Variants in NFIA observed in about 807,000 individuals in gnomAD.
The protein encoded by NFIA is nuclear factor I A.
NFIA carries 8 observed loss-of-function variants against 62.8 expected under a neutral mutation model. The observed-to-expected ratio is 0.13, with a 90% CI of 0.07 to 0.23. The LOEUF is 0.23. Ranked by LOEUF, NFIA falls within the 10% of genes least tolerant of loss-of-function variation. NFIA has a pLI of 1.00. For missense variants in NFIA, 410 were observed against 642.1 expected (o/e 0.64, Z 3.91); for synonymous variants, 235 against 238.1 (o/e 0.99, Z 0.12).
At chr1:61,362,894 CTTGT>C (rs1221871742) in intron 6 of NFIA, among the ~76,000 whole-genome samples, 1 of 152,148 alleles carries the variant, frequency 6.6e-6, no homozygotes, top group African/African-American at 2.4e-5. Flanking sequence ...ATCATCAACT[CTTGT>C]TTATCTGTAC....
intron 2 of NFIA, among the ~76,000 whole-genome samples, chr1:61,247,904 C>T (rs1655753367): frequency 6.6e-6 from 1 of 152,174 alleles, no homozygotes; most frequent in Admixed American, 6.5e-5. Context: ...GCTCCTGTAT[C>T]AAGTGTTTCC....
chr1:61,293,550 G>A (rs1321237046), intron 3 of NFIA, among the ~76,000 whole-genome samples: 1 of 152,200 alleles, frequency 6.6e-6, no homozygotes, highest in Non-Finnish European at 1.5e-5. Flanking sequence ...CTTGCTGACT[G>A]ACTGGCTGAC....
intron 2 of NFIA, among the ~76,000 whole-genome samples, chr1:61,276,457 A>T (rs754552293): frequency 6.6e-6 from 1 of 152,204 alleles, no homozygotes; most frequent in Admixed American, 6.5e-5. Context: ...TCAGGCAGCT[A>T]ATTCAAAACC....
At chr1:61,123,396 T>G (rs1646919796) in intron 2 of NFIA, among the ~76,000 whole-genome samples, 1 of 152,224 alleles carries the variant, frequency 6.6e-6, no homozygotes, top group African/African-American at 2.4e-5. Flanking sequence ...TTGGAATTTA[T>G]TTGAGATGAT....
At chr1:61,450,577 G>A (rs1455679057) in intron 10 of NFIA, among the ~76,000 whole-genome samples, 1 of 152,160 alleles carries the variant, frequency 6.6e-6, no homozygotes, top group African/African-American at 2.4e-5. Flanking sequence ...CCTGCAGGGT[G>A]CGGGGAGGCC....
chr1:61,125,154 A>G (rs1646946925), intron 2 of NFIA: 1 of 152,242 alleles, frequency 6.6e-6, no homozygotes, highest in Admixed American at 6.5e-5. Flanking sequence ...TATTCTAACT[A>G]AAGATCTTTT....
chr1:61,420,704 A>C (rs1451890777), intron 9 of NFIA, among the ~76,000 whole-genome samples: 1 of 152,114 alleles, frequency 6.6e-6, no homozygotes, highest in African/African-American at 2.4e-5. Context: ...ACACATGAAT[A>C]TGTCTGAGTT....
chr1:61,158,195 G>A (rs1267725586), intron 2 of NFIA, among the ~76,000 whole-genome samples: 3 of 152,062 alleles, frequency 2.0e-5, no homozygotes, highest in Admixed American at 1.3e-4. Context: ...TTAAGATTGT[G>A]GATTCTGTTA....
At chr1:61,281,943 G>T (rs975793437) in intron 3 of NFIA, among the ~76,000 whole-genome samples, 14 of 152,030 alleles carry the variant, frequency 9.2e-5, no homozygotes, top group Non-Finnish European at 1.5e-4. Context: ...AAATATTTTT[G>T]GAGTATCTGT....
At chr1:61,262,510 A>G (rs754154612) in intron 2 of NFIA, among the ~76,000 whole-genome samples, 9 of 152,252 alleles carry the variant, frequency 5.9e-5, no homozygotes, top group Non-Finnish European at 1.2e-4. Flanking sequence ...TTTTAAGGCC[A>G]ACTGGAAGAA....
intron 3 of NFIA, among the ~76,000 whole-genome samples, chr1:61,281,017 G>C (rs545253936): frequency 1.3e-5 from 2 of 152,300 alleles, no homozygotes; most frequent in East Asian, 1.9e-4. Flanking sequence ...GCTGAGGTGA[G>C]TCGATCACTT....
chr1:61,424,442 A>G (rs1031211748), intron 9 of NFIA, among the ~76,000 whole-genome samples: 2 of 151,900 alleles, frequency 1.3e-5, no homozygotes, highest in African/African-American at 2.4e-5. Context: ...AAATCCTGCT[A>G]TGTGTCTATG....
At chr1:61,393,722 A>G (rs1466575573) in intron 7 of NFIA, among the ~76,000 whole-genome samples, 3 of 152,104 alleles carry the variant, frequency 2.0e-5, no homozygotes, top group African/African-American at 7.2e-5. Flanking sequence ...CTGTTTCCAG[A>G]AGAAGGGGTG....
At chr1:61,427,721 G>C (rs1028046773) in intron 10 of NFIA, among the ~76,000 whole-genome samples, 15 of 152,194 alleles carry the variant, frequency 9.9e-5, no homozygotes, top group Non-Finnish European at 1.8e-4. Context: ...CAGCAGAGAA[G>C]GCAGCTGGGA....
intron 3 of NFIA, among the ~76,000 whole-genome samples, chr1:61,300,864 A>G (rs1312420822): frequency 1.3e-5 from 2 of 152,152 alleles, no homozygotes; most frequent in Non-Finnish European, 2.9e-5. Flanking sequence ...AAGATAGAAA[A>G]TATAAACAAG....
At chr1:61,322,508 A>C (rs1048594483) in intron 3 of NFIA, among the ~76,000 whole-genome samples, 3 of 152,082 alleles carry the variant, frequency 2.0e-5, no homozygotes, top group African/African-American at 7.2e-5. Flanking sequence ...TTTCGCTCAT[A>C]AAAAGGGGTA....
intron 2 of NFIA, among the ~76,000 whole-genome samples, chr1:61,213,957 C>T (rs1223660673): frequency 1.3e-5 from 2 of 152,144 alleles, no homozygotes; most frequent in Non-Finnish European, 1.5e-5. Flanking sequence ...AAGATACACT[C>T]CAGGAAGGTG....
chr1:61,126,777 CTTTTTTTT>C (rs56255004), intron 2 of NFIA, among the ~76,000 whole-genome samples: 17 of 87,322 alleles, frequency 1.9e-4, no homozygotes, highest in East Asian at 5.8e-4. Flanking sequence ...TGTCAGATTC[CTTTTTTTT>C]TTTTTTTTTT....
At chr1:61,335,330 G>C in intron 4 of NFIA, among the ~76,000 whole-genome samples, 1 of 152,126 alleles carries the variant, frequency 6.6e-6, no homozygotes, top group South Asian at 2.1e-4. Context: ...TGGCTGCCTG[G>C]GTAAGGATCC....
Sources: allele counts gnomAD v4.1 joint callset (sites outside exome capture counted in the v4.1 genomes callset), GRCh38; gene constraint gnomAD v4.1.1; transcripts MANE v1.5; gene names NCBI Gene and HGNC (gene_info 2026-07-23, HGNC 2026-07-21).